FAM227B: variants seen among roughly 807,000 people sequenced by gnomAD.
FAM227B encodes protein FAM227B.
A neutral mutation model predicts 73.8 loss-of-function variants in FAM227B; 88 were observed. The observed-to-expected ratio is 1.19, with a 90% confidence interval of 1.00 to 1.42. The LOEUF (loss-of-function observed/expected upper bound fraction) is 1.42, where lower values mean the gene tolerates loss of function less well. Among genes scored for constraint, FAM227B ranks in the 40% most tolerant of loss-of-function variants. FAM227B has a pLI of 0.00. For synonymous variants in FAM227B, 210 were observed against 190.5 expected, an observed-to-expected ratio of 1.10 and a Z score of -0.84; for missense variants, 632 against 590.9, an observed-to-expected ratio of 1.07 and a Z score of -0.72.
At chr15:49,403,071 C>T (rs527694745) in intron 11 of FAM227B, among the ~76,000 whole-genome samples, 51 of 152,160 alleles carry the variant, frequency 3.4e-4, no homozygotes, top group African/African-American at 6.5e-4. Context: ...GTTTATGTGA[C>T]GAATCACATT....
intron 9 of FAM227B, among the ~76,000 whole-genome samples, chr15:49,544,352 A>G (rs2071513822): frequency 6.6e-6 from 1 of 152,116 alleles, no homozygotes. Flanking sequence ...GTGTACACTG[A>G]TTTCATATCC....
At chr15:49,599,689 GC>G (rs1403710234) in intron 3 of FAM227B, among the ~76,000 whole-genome samples, 2 of 151,916 alleles carry the variant, frequency 1.3e-5, no homozygotes, top group African/African-American at 2.4e-5. Flanking sequence ...TGACCTACTG[GC>G]TATTCAAGAG....
In FAM227B at chr15:49,491,878, T is replaced by C. The variant is rs79180591; in HGVS notation, c.1012+16333A>G. 4.7e-3 allele frequency among the ~76,000 whole-genome samples: 710 copies of C among 151,994 alleles called. 7 individuals carry two copies. Among genetic ancestry groups the C allele is most frequent in the African/African-American group, 0.016 (673 of 41,538 alleles). On this transcript the variant is annotated intron_variant, in intron 11 of 15. Transcript: ENST00000299338. ...ATAAAAGTAAAAGTAACTATTGCCT[T>C]TTTAAAATTCCCCATGTAATCTGGT...
intron 11 of FAM227B, among the ~76,000 whole-genome samples, chr15:49,410,982 A>ATG (rs1217785414): frequency 6.6e-5 from 7 of 106,828 alleles, no homozygotes; most frequent in Admixed American, 2.5e-4. Context: ...GTGTGTGTGT[A>ATG]TGTGTGTGTG....
chr15:49,568,904 A>G (rs1339274459), intron 8 of FAM227B, among the ~76,000 whole-genome samples: 1 of 151,958 alleles, frequency 6.6e-6, no homozygotes, highest in African/African-American at 2.4e-5. Context: ...TTACAGGTTG[A>G]GTTAGAAAAT....
At chr15:49,391,177 GAAA>G (rs1256386101) in intron 11 of FAM227B, among the ~76,000 whole-genome samples, 1 of 151,878 alleles carries the variant, frequency 6.6e-6, no homozygotes, top group African/African-American at 2.4e-5. Context: ...TATTAAGCAG[GAAA>G]AAAACCACAA....
intron 8 of FAM227B, among the ~76,000 whole-genome samples, chr15:49,569,400 G>T (rs1393373197): frequency 6.6e-6 from 1 of 150,978 alleles, no homozygotes; most frequent in Non-Finnish European, 1.5e-5. Flanking sequence ...CCTTCCTTCT[G>T]TTAACTTAGG....
Position 49,327,957 on chromosome 15 carries a change from T to A in FAM227B, c.*611A>T. ...TTTTTTCCTCACTGTTTTAGGAAGT[T>A]TGGGGCTCAAGGGTCACGACTTACT... On this transcript the variant is annotated 3_prime_UTR_variant, in exon 16 of 16. Coordinates refer to ENST00000299338, the MANE Select transcript of FAM227B (RefSeq NM_152647.3). 6.2e-7 allele frequency: 1 copy of A among 1,608,506 alleles called. No individual in the cohort carries two copies. The highest frequency in any genetic ancestry group is 8.5e-7 in the Non-Finnish European group (1 of 1,176,720).
intron 13 of FAM227B, among the ~76,000 whole-genome samples, chr15:49,342,332 G>A (rs2040858901): frequency 6.6e-6 from 1 of 151,966 alleles, no homozygotes; most frequent in African/African-American, 2.4e-5. Flanking sequence ...GTTTTATCTG[G>A]TATAAGAATA....
intron 11 of FAM227B, among the ~76,000 whole-genome samples, chr15:49,496,238 A>T (rs932873861): frequency 5.3e-5 from 8 of 152,144 alleles, no homozygotes; most frequent in Non-Finnish European, 1.2e-4. Flanking sequence ...TACTAGGTAC[A>T]TAAAAGTACA....
At chr15:49,539,835 G>T (rs58984166) in intron 10 of FAM227B, among the ~76,000 whole-genome samples, 2,946 of 152,268 alleles carry the variant, frequency 0.019, 119 homozygotes, top group African/African-American at 0.068. Flanking sequence ...GTGAAGACAT[G>T]TGTGGAGTAA....
At chr15:49,480,642 C>T (rs1226264620) in intron 11 of FAM227B, among the ~76,000 whole-genome samples, 7 of 151,970 alleles carry the variant, frequency 4.6e-5, no homozygotes, top group Admixed American at 2.0e-4. Context: ...CCACCACACC[C>T]GGATAATTTT....
intron 11 of FAM227B, among the ~76,000 whole-genome samples, chr15:49,499,563 G>A (rs1019994350): frequency 6.6e-6 from 1 of 152,074 alleles, no homozygotes; most frequent in Admixed American, 6.5e-5. Flanking sequence ...AATTTATATG[G>A]AAATGACAAG....
At chr15:49,533,033 C>A (rs887710486) in intron 10 of FAM227B, among the ~76,000 whole-genome samples, 1 of 151,920 alleles carries the variant, frequency 6.6e-6, no homozygotes, top group Non-Finnish European at 1.5e-5. Context: ...CCACACTGCT[C>A]CATCAATGGC....
chr15:49,367,478 T>G lies in FAM227B; in HGVS notation c.1241A>C (p.Lys414Thr), dbSNP rs751665404. ...AGISKAPKKTKIKLTKIFQEP... is the reference protein window; with the variant it reads ...AGISKAPKKTTIKLTKIFQEP... ...CTGGAATATCTTAGTGAGTTTAATC[T>G]TGGTTTTCTTAGGTGCTTTGGAAAT... Residue 414 changes from lysine (K) to threonine (T), a missense_variant, in exon 13 of 16, where the codon AAG (lysine) becomes ACG (threonine). Transcript: ENST00000299338. The G allele has an allele frequency of 6.3e-7, 1 of 1,596,836 alleles. No homozygotes were observed. The highest frequency in any genetic ancestry group is 1.2e-5 in the South Asian group (1 of 86,892).
chr15:49,582,077 C>G (rs879840159), intron 5 of FAM227B, among the ~76,000 whole-genome samples: 1 of 152,170 alleles, frequency 6.6e-6, no homozygotes, highest in Admixed American at 6.5e-5. Context: ...ATAAACAAAT[C>G]TTCATAATAA....
intron 3 of FAM227B, among the ~76,000 whole-genome samples, chr15:49,591,045 A>ATTTTTTTTTTTT (rs748799826): frequency 1.1e-4 from 8 of 72,562 alleles, no homozygotes; most frequent in African/African-American, 2.9e-4. Flanking sequence ...TTTTTTTTTG[A>ATTTTTTTTTTTT]TTTTTTTTTT....
intron 11 of FAM227B, among the ~76,000 whole-genome samples, chr15:49,473,588 C>A (rs989761269): frequency 1.3e-5 from 2 of 151,948 alleles, no homozygotes; most frequent in African/African-American, 4.8e-5. Context: ...GTTGGTCTCA[C>A]GTTTTGGAGG....
chr15:49,444,811 A>T (rs2052029441), intron 11 of FAM227B, among the ~76,000 whole-genome samples: 1 of 151,714 alleles, frequency 6.6e-6, no homozygotes, highest in East Asian at 1.9e-4. Context: ...ATCTTGAATC[A>T]ATGTTTTTGT....
Sources: allele counts gnomAD v4.1 joint callset (sites outside exome capture counted in the v4.1 genomes callset), GRCh38; gene constraint gnomAD v4.1.1; transcripts MANE v1.5; gene names NCBI Gene and HGNC (gene_info 2026-07-23, HGNC 2026-07-21).